HPCAL1: variants seen among roughly 807,000 people sequenced by gnomAD.
The protein encoded by HPCAL1 is hippocalcin-like protein 1.
HPCAL1 carries 8 observed loss-of-function variants against 17.1 expected under a neutral mutation model. The ratio of observed to expected loss-of-function variants is 0.47; its 90% CI spans 0.27 to 0.84. The LOEUF (loss-of-function observed/expected upper bound fraction) is 0.84, where lower values mean the gene tolerates loss of function less well. Ranked by LOEUF, HPCAL1 falls within the 40% of genes least tolerant of loss-of-function variation. HPCAL1 has a pLI of 0.13. For missense variants in HPCAL1, 165 were observed against 271.1 expected (o/e 0.61, Z 2.75); for synonymous variants, 112 against 111.4 (o/e 1.01, Z -0.03).
chr2:10,358,333 C>T (rs960260059), intron 1 of HPCAL1, among the ~76,000 whole-genome samples: 1 of 152,216 alleles, frequency 6.6e-6, no homozygotes, highest in African/African-American at 2.4e-5. Context: ...CCAGACTGGT[C>T]CTGAACTCCC....
intron 1 of HPCAL1, among the ~76,000 whole-genome samples, chr2:10,358,399 C>G (rs372385140): frequency 6.6e-6 from 1 of 152,186 alleles, no homozygotes; most frequent in East Asian, 1.9e-4. Flanking sequence ...GGGTCCCTGT[C>G]GAGGGCTCCA....
chr2:10,322,786 G>A (rs1572634908), intron 1 of HPCAL1, among the ~76,000 whole-genome samples: 1 of 152,194 alleles, frequency 6.6e-6, no homozygotes. Context: ...CTGAACCTTG[G>A]ATCTCCTGCA....
rs562737085 is a variant in HPCAL1, at chr2:10,365,238, A to G, written c.-110-31597A>G. On this transcript the variant is annotated intron_variant, in intron 1 of 4. Coordinates refer to ENST00000307845, the MANE Select transcript of HPCAL1 (RefSeq NM_002149.4). The surrounding 1 kb of genome is among the most constrained non-coding windows in gnomAD (Gnocchi z 4.8). ...CCGACCCTGACCTTGCTCCTCTTGG[A>G]TGGTATTGGGTGGCATTCCAGGACA... 6.6e-6 allele frequency among the ~76,000 whole-genome samples: 1 copy of G among 152,168 alleles called. No individual in the cohort carries two copies. The highest frequency in any genetic ancestry group is 1.9e-4 in the East Asian group (1 of 5,176).
intron 3 of HPCAL1, 23 bp downstream of exon 3, chr2:10,420,158 G>C (rs1327125348): frequency 1.9e-6 from 3 of 1,587,286 alleles, no homozygotes; most frequent in African/African-American, 2.7e-5. Flanking sequence ...GAGGCCCCGG[G>C]TCTCACCGCG....
chr2:10,366,317 C>A (rs954127695), intron 1 of HPCAL1, among the ~76,000 whole-genome samples: 4 of 152,184 alleles, frequency 2.6e-5, no homozygotes, highest in East Asian at 3.9e-4. Context: ...CTCACTGCAA[C>A]CTCTGCCTCC....
intron 1 of HPCAL1, among the ~76,000 whole-genome samples, chr2:10,345,928 C>T (rs1316410706): frequency 6.6e-6 from 1 of 152,168 alleles, no homozygotes. Flanking sequence ...TGGAAGATTT[C>T]CTAAGTCACA....
intron 4 of HPCAL1, chr2:10,425,088 C>T: frequency 6.0e-6 from 1 of 165,530 alleles, no homozygotes; most frequent in Non-Finnish European, 1.3e-5. Flanking sequence ...CCTGGGGCAG[C>T]TCTGGTTCTC....
rs1229057733 is a variant in HPCAL1, at chr2:10,419,116, CAGG to C, written c.-24-615_-24-613del. 1.3e-5 allele frequency among the ~76,000 whole-genome samples: 2 copies of C among 152,138 alleles called. No homozygotes were observed. The highest frequency in any genetic ancestry group is 6.5e-5 in the Admixed American group (1 of 15,270). On this transcript the variant is annotated intron_variant, in intron 2 of 4. Transcript: ENST00000307845. This position sits in a 1 kb window ranked among gnomAD's most constrained non-coding sequence, Gnocchi z 5.0. ...ATCCCAGCTACTCAGGAGGCTGAGG[CAGG>C]AGAATTGCTTGAACCTGGGAGGCGG...
intron 2 of HPCAL1, chr2:10,408,700 T>C (rs3771130): frequency 0.47 from 71,451 of 152,014 alleles, 17,109 homozygotes; most frequent in South Asian, 0.62. Flanking sequence ...AGGCTAGCCC[T>C]CCCTGCTGAA....
chr2:10,338,396 GA>G (rs2125437345), intron 1 of HPCAL1, among the ~76,000 whole-genome samples: 1 of 152,270 alleles, frequency 6.6e-6, no homozygotes, highest in African/African-American at 2.4e-5. Context: ...GTGCGGCCTG[GA>G]TATCAGCTGT....
chr2:10,305,329 C>T (rs1015430708), intron 1 of HPCAL1, among the ~76,000 whole-genome samples: 9 of 152,110 alleles, frequency 5.9e-5, no homozygotes, highest in Non-Finnish European at 1.2e-4. Flanking sequence ...TAAAGCCAGC[C>T]CTTTGTCTCA....
intron 4 of HPCAL1, chr2:10,424,833 C>A (rs749519192): frequency 9.0e-5 from 31 of 342,762 alleles, no homozygotes; most frequent in Non-Finnish European, 1.5e-4. Context: ...AGTGATGGTG[C>A]CCTGGAGTTT....
chr2:10,389,535 T>A (rs1240278100), intron 1 of HPCAL1, among the ~76,000 whole-genome samples: 1 of 152,236 alleles, frequency 6.6e-6, no homozygotes, highest in African/African-American at 2.4e-5. Context: ...TCAACTGTGC[T>A]GGCACCTTGA....
At chr2:10,417,192 A>C (rs896765963) in intron 2 of HPCAL1, among the ~76,000 whole-genome samples, 3 of 151,984 alleles carry the variant, frequency 2.0e-5, no homozygotes, top group Admixed American at 6.5e-5. Flanking sequence ...GTGAAACCCC[A>C]TCTCTACTAA....
chr2:10,386,003 T>C (rs1572778643), intron 1 of HPCAL1, among the ~76,000 whole-genome samples: 2 of 152,190 alleles, frequency 1.3e-5, no homozygotes, highest in Admixed American at 1.3e-4. Context: ...TTTACGGCTG[T>C]CTGGCAATTA....
chr2:10,346,777 C>T (rs572676697), intron 1 of HPCAL1, among the ~76,000 whole-genome samples: 12 of 151,876 alleles, frequency 7.9e-5, no homozygotes, highest in South Asian at 6.2e-4. Context: ...CACTTCTCTC[C>T]CCTTCCTCCC....
chr2:10,385,991 G>A (rs1473934339), intron 1 of HPCAL1, among the ~76,000 whole-genome samples: 1 of 152,168 alleles, frequency 6.6e-6, no homozygotes, highest in Non-Finnish European at 1.5e-5. Context: ...CTGGCCTTGG[G>A]TTTTACGGCT....
chr2:10,370,497 A>G (rs773283180), intron 1 of HPCAL1, among the ~76,000 whole-genome samples: 1 of 152,216 alleles, frequency 6.6e-6, no homozygotes, highest in Non-Finnish European at 1.5e-5. Flanking sequence ...AGAGGCTTCA[A>G]GGAGCAGAGG....
rs1271149634 is a variant in HPCAL1, at chr2:10,361,199, C to T, written c.-110-35636C>T. ...GTCCGTGGGCTCCTGGGTGGGTGGT[C>T]GGGCTCGTGGGGAGATCCCAAGCAA... On this transcript the variant is annotated intron_variant, in intron 1 of 4. Coordinates refer to ENST00000307845, the MANE Select transcript of HPCAL1 (RefSeq NM_002149.4). Among the ~76,000 whole-genome samples, 5 of 150,200 alleles carry T rather than the reference C, an allele frequency of 3.3e-5. No individual in the cohort carries two copies. The South Asian group carries it at 8.5e-4, about 26-fold the overall frequency.
Sources: allele counts gnomAD v4.1 joint callset (sites outside exome capture counted in the v4.1 genomes callset), GRCh38; gene constraint gnomAD v4.1.1; non-coding constraint Gnocchi (gnomAD v3.1); transcripts MANE v1.5; gene names NCBI Gene and HGNC (gene_info 2026-07-23, HGNC 2026-07-21).